The following KCNC2 variants were observed in gnomAD, a reference collection of about 807,000 sequenced individuals.
KCNC2 encodes the protein voltage-gated potassium channel KCNC2.
In KCNC2, 21 loss-of-function variants were observed where a neutral mutation model predicts 44.5. That is an observed-to-expected ratio of 0.47 (90% CI 0.33 to 0.68). The LOEUF (loss-of-function observed/expected upper bound fraction) is 0.68. Among genes scored for constraint, KCNC2 ranks in the 30% least tolerant of loss-of-function variants. KCNC2 has a pLI of 0.01. For missense variants in KCNC2, 589 were observed against 826.2 expected, an observed-to-expected ratio of 0.71 and a Z score of 3.52; for synonymous variants, 391 against 339.1, an observed-to-expected ratio of 1.15 and a Z score of -1.68.
intron 2 of KCNC2, among the ~76,000 whole-genome samples, chr12:75,174,761 T>G (rs1202420460): frequency 6.6e-6 from 1 of 151,920 alleles, no homozygotes; most frequent in Non-Finnish European, 1.5e-5. Flanking sequence ...GTTATGTTAT[T>G]CATACAAAAT....
At chr12:75,197,541 G>A (rs536049606) in intron 2 of KCNC2, among the ~76,000 whole-genome samples, 1 of 152,044 alleles carries the variant, frequency 6.6e-6, no homozygotes, top group African/African-American at 2.4e-5. Flanking sequence ...TGAATTTATA[G>A]TTCTTCTTTT....
intron 2 of KCNC2, among the ~76,000 whole-genome samples, chr12:75,097,503 A>C (rs1255736045): frequency 6.6e-6 from 1 of 152,138 alleles, no homozygotes; most frequent in Non-Finnish European, 1.5e-5. Flanking sequence ...GGAGGAACAT[A>C]AAGGCATATA....
chr12:75,094,308 C>G (rs1326646844), intron 2 of KCNC2, among the ~76,000 whole-genome samples: 1 of 151,582 alleles, frequency 6.6e-6, no homozygotes, highest in Non-Finnish European at 1.5e-5. Context: ...TAGAAATGGA[C>G]CTCCATAAAA....
intron 2 of KCNC2, among the ~76,000 whole-genome samples, chr12:75,182,050 G>A (rs778165539): frequency 7.5e-5 from 11 of 146,918 alleles, no homozygotes; most frequent in Non-Finnish European, 1.5e-4. Context: ...GAGAACTGAG[G>A]GAAAGAGAGG....
chr12:75,074,813 A>T, intron 2 of KCNC2, among the ~76,000 whole-genome samples: 1 of 152,224 alleles, frequency 6.6e-6, no homozygotes, highest in Admixed American at 6.5e-5. Flanking sequence ...GCTGGACAAG[A>T]GAGGCAAGTA....
At chr12:75,087,297 A>G (rs1885108404) in intron 2 of KCNC2, among the ~76,000 whole-genome samples, 2 of 152,104 alleles carry the variant, frequency 1.3e-5, no homozygotes, top group African/African-American at 4.8e-5. Context: ...GAGGATACCT[A>G]TCTCTAATCA....
chr12:75,058,566 A>T (rs1343658575), intron 2 of KCNC2, among the ~76,000 whole-genome samples: 1 of 152,088 alleles, frequency 6.6e-6, no homozygotes, highest in African/African-American at 2.4e-5. Context: ...TAGCTTACAA[A>T]CACCTGCTGA....
chr12:75,133,334 CA>C (rs999612572), intron 2 of KCNC2, among the ~76,000 whole-genome samples: 3 of 151,200 alleles, frequency 2.0e-5, no homozygotes, highest in Non-Finnish European at 3.0e-5. Flanking sequence ...ATGGATTACC[CA>C]AATTTGATCA....
chr12:75,115,818 G>A (rs1330919922), intron 2 of KCNC2, among the ~76,000 whole-genome samples: 1 of 151,962 alleles, frequency 6.6e-6, no homozygotes, highest in African/African-American at 2.4e-5. Context: ...TATTAAGAAT[G>A]AGAGCTCTGG....
chr12:75,156,936 C>A (rs1380573210), intron 2 of KCNC2, among the ~76,000 whole-genome samples: 1 of 151,780 alleles, frequency 6.6e-6, no homozygotes, highest in Non-Finnish European at 1.5e-5. Flanking sequence ...ATAACTAACA[C>A]TGGGTAAAGT....
intron 2 of KCNC2, among the ~76,000 whole-genome samples, chr12:75,145,654 A>G (rs1020336771): frequency 6.6e-6 from 1 of 152,156 alleles, no homozygotes; most frequent in Non-Finnish European, 1.5e-5. Context: ...AATAATTTAA[A>G]ACATTTAATC....
At chr12:75,050,226 TAC>T (rs978095131) in intron 3 of KCNC2, among the ~76,000 whole-genome samples, 162 bp downstream of exon 3, 12 of 151,750 alleles carry the variant, frequency 7.9e-5, no homozygotes, top group African/African-American at 2.9e-4. Flanking sequence ...TAGAAAATGC[TAC>T]AGTCTAGCTA....
rs2031975395 is a variant in KCNC2 at position 75,209,474 on chromosome 12, C to T, written c.-287G>A. ...TCGCCAACCTCCGCGCCCAGAGTCA[C>T]CATCGCGCAGGGTTGGGCAAACCAT... is the stretch of plus-strand genomic sequence containing the variant. On this transcript the variant is annotated 5_prime_UTR_variant, in exon 1 of 5. The change creates a new upstream start codon in the 5' untranslated region. Coordinates refer to ENST00000549446, the MANE Select transcript of KCNC2 (RefSeq NM_139137.4). 1 of 152,216 alleles carries T rather than the reference C, an allele frequency of 6.6e-6. No individual in the cohort carries two copies. The highest frequency in any genetic ancestry group is 2.4e-5 in the African/African-American group (1 of 41,436). 9.4% of individuals were successfully genotyped at this position (152,216 alleles called of 1,614,324 possible).
chr12:75,201,262 G>GAAAAAAAAAAAAAAAAAAAAA lies in KCNC2; in HGVS notation c.687+6014_687+6034dup, dbSNP rs1313998973. On this transcript the variant is annotated intron_variant, in intron 2 of 4. Transcript: ENST00000549446. ...GGGCAGAAAGTTACAAACGAAATTG[G>GAAAAAAAAAAAAAAAAAAAAA]AAAAAAAAAAAAAAAAAAAAAAAAA... is the stretch of plus-strand genomic sequence containing the variant. 1.1e-4 allele frequency among the ~76,000 whole-genome samples: 2 copies of GAAAAAAAAAAAAAAAAAAAAA among 18,444 alleles called. 1 individual carries two copies. Among genetic ancestry groups the GAAAAAAAAAAAAAAAAAAAAA allele is most frequent in the Non-Finnish European group, 2.0e-4 (2 of 9,910 alleles). 12.1% of individuals were successfully genotyped at this position (18,444 alleles called of 152,430 possible). A position where few individuals can be genotyped will look rare whatever the true frequency, so the allele number is the denominator to read the frequency against.
In KCNC2 at chr12:75,057,653, G is replaced by A. The variant is rs372356407; in HGVS notation, c.688-6336C>T. Reference sequence around the variant, plus strand: ...ATATAAATGTGTGTATATATCACACGTTACAGATTTTTATATCTATATCCA... The same window carrying A: ...ATATAAATGTGTGTATATATCACACATTACAGATTTTTATATCTATATCCA... On this transcript the variant is annotated intron_variant, in intron 2 of 4. Transcript: ENST00000549446. Among the ~76,000 whole-genome samples, 9 of 151,806 alleles carry A rather than the reference G, an allele frequency of 5.9e-5. No individual in the cohort carries two copies. In the Middle Eastern group the frequency reaches 0.01, roughly 172 times the overall value.
intron 2 of KCNC2, among the ~76,000 whole-genome samples, chr12:75,177,470 G>A (rs1306829499): frequency 1.3e-5 from 2 of 151,880 alleles, no homozygotes; most frequent in South Asian, 2.1e-4. Flanking sequence ...CTGACTCAAA[G>A]TAGGTTAAAA....
chr12:75,181,208 T>G (rs1432290658), intron 2 of KCNC2, among the ~76,000 whole-genome samples: 2 of 152,148 alleles, frequency 1.3e-5, no homozygotes, highest in Non-Finnish European at 2.9e-5. Flanking sequence ...GGTTGAGAAC[T>G]TCGTTGAAAT....
rs867395171 is a variant in KCNC2, at chr12:75,081,626, C to A, written c.688-30309G>T. On this transcript the variant is annotated intron_variant, in intron 2 of 4. Transcript: ENST00000549446. ...TGATTCACTTCTTGTAATAAATTTTCTCAGCTACCCTGGAAAATGTTAGCA... is the reference window on the plus strand; with the variant it reads ...TGATTCACTTCTTGTAATAAATTTTATCAGCTACCCTGGAAAATGTTAGCA... 2.6e-5 allele frequency among the ~76,000 whole-genome samples: 4 copies of A among 151,924 alleles called. No homozygotes were observed. The South Asian group carries it at 8.3e-4, about 31-fold the overall frequency.
At chr12:75,156,153 C>G (rs560867649) in intron 2 of KCNC2, among the ~76,000 whole-genome samples, 2 of 151,830 alleles carry the variant, frequency 1.3e-5, no homozygotes, top group South Asian at 4.2e-4. Flanking sequence ...CTTGATGTGT[C>G]TATATTAGCT....
Sources: gnomAD v4.1 joint callset for allele counts (sites outside exome capture counted in the v4.1 genomes callset) on GRCh38, gnomAD v4.1.1 for gene constraint, MANE v1.5 for transcripts, NCBI Gene and HGNC (gene_info 2026-07-23, HGNC 2026-07-21) for gene names.